The following SORCS1 variants were observed in gnomAD, a reference collection of about 807,000 sequenced individuals.
SORCS1 encodes the protein VPS10 domain-containing receptor SorCS1.
SORCS1 carries 60 observed loss-of-function variants against 146.1 expected under a neutral mutation model. That is an observed-to-expected ratio of 0.41 (90% CI 0.33 to 0.51). SORCS1 has a LOEUF of 0.51. Among genes scored for constraint, SORCS1 ranks in the 20% least tolerant of loss-of-function variants. SORCS1 has a pLI of 0.21. For synonymous variants in SORCS1, 637 were observed against 584.0 expected, an observed-to-expected ratio of 1.09 and a Z score of -1.31; for missense variants, 1,352 against 1,487.6, an observed-to-expected ratio of 0.91 and a Z score of 1.50.
chr10:107,116,834 T>C (rs541067444), intron 1 of SORCS1, among the ~76,000 whole-genome samples: 1 of 152,338 alleles, frequency 6.6e-6, no homozygotes, highest in East Asian at 1.9e-4. Context: ...ATGATTTTTA[T>C]TTGCCAATTA....
chr10:106,757,094 A>G (rs1055496159), intron 5 of SORCS1, among the ~76,000 whole-genome samples: 1 of 152,210 alleles, frequency 6.6e-6, no homozygotes, highest in South Asian at 2.1e-4. Context: ...GTGCTTTGGT[A>G]ACATTATCAG....
upstream of SORCS1, among the ~76,000 whole-genome samples, chr10:107,167,633 C>G (rs907968108): frequency 2.0e-5 from 3 of 152,080 alleles, no homozygotes; most frequent in Non-Finnish European, 4.4e-5. Flanking sequence ...CACAAGCACA[C>G]TCAGGTGATC....
At chr10:106,619,425 G>A (rs1427657231) in intron 20 of SORCS1, among the ~76,000 whole-genome samples, 2 of 152,194 alleles carry the variant, frequency 1.3e-5, no homozygotes, top group South Asian at 2.1e-4. Context: ...CAGCTCCAGA[G>A]CAGAAAAATG....
chr10:107,074,730 T>G (rs1306504912), intron 1 of SORCS1, among the ~76,000 whole-genome samples: 1 of 152,176 alleles, frequency 6.6e-6, no homozygotes. Flanking sequence ...TTCTCAATTT[T>G]GGCCATTCTC....
intron 2 of SORCS1, among the ~76,000 whole-genome samples, chr10:106,916,451 A>T (rs1310986147): frequency 1.3e-5 from 2 of 148,702 alleles, no homozygotes; most frequent in Non-Finnish European, 3.0e-5. Flanking sequence ...TGTATATATG[A>T]TTATATATTA....
chr10:107,008,671 T>C (rs759764132), intron 1 of SORCS1, among the ~76,000 whole-genome samples: 2 of 152,172 alleles, frequency 1.3e-5, no homozygotes, highest in Non-Finnish European at 2.9e-5. Context: ...CTGGGTTATA[T>C]GAGACCATCA....
intron 2 of SORCS1, among the ~76,000 whole-genome samples, chr10:106,906,448 A>G (rs1241986033): frequency 6.6e-6 from 1 of 152,112 alleles, no homozygotes; most frequent in African/African-American, 2.4e-5. Context: ...ACAGTTCCAC[A>G]TGACTGAGGA....
intron 6 of SORCS1, among the ~76,000 whole-genome samples, chr10:106,724,577 A>G (rs1856017882): frequency 6.6e-6 from 1 of 152,058 alleles, no homozygotes; most frequent in Admixed American, 6.5e-5. Flanking sequence ...TTTCTCATGT[A>G]AAAAACTAAA....
chr10:106,829,150 C>A (rs1003459153), intron 3 of SORCS1, among the ~76,000 whole-genome samples: 3 of 152,192 alleles, frequency 2.0e-5, no homozygotes, highest in Non-Finnish European at 2.9e-5. Flanking sequence ...TTCCTATCTG[C>A]TGCAGGACAA....
chr10:106,826,173 G>A (rs545273885), intron 3 of SORCS1, among the ~76,000 whole-genome samples: 35 of 152,324 alleles, frequency 2.3e-4, no homozygotes, highest in Non-Finnish European at 3.7e-4. Context: ...GCTCTTGTCC[G>A]CACAAATGGC....
intron 1 of SORCS1, among the ~76,000 whole-genome samples, chr10:107,110,856 T>G (rs1965648156): frequency 6.6e-6 from 1 of 152,040 alleles, no homozygotes; most frequent in South Asian, 2.1e-4. Flanking sequence ...TCTGCATACC[T>G]TCAAGTGGTT....
chr10:106,659,694 C>A (rs969508876), intron 17 of SORCS1, among the ~76,000 whole-genome samples: 2 of 152,116 alleles, frequency 1.3e-5, no homozygotes, highest in African/African-American at 4.8e-5. Flanking sequence ...TGGACTAAGT[C>A]TGGTGTTCTC....
intron 1 of SORCS1, among the ~76,000 whole-genome samples, chr10:106,956,965 C>T (rs1954974194): frequency 6.6e-6 from 1 of 152,154 alleles, no homozygotes; most frequent in South Asian, 2.1e-4. Context: ...GCCCTAGTAG[C>T]TGGGTGCATT....
At chr10:106,790,825 T>C (rs1946283062) in intron 3 of SORCS1, among the ~76,000 whole-genome samples, 1 of 152,244 alleles carries the variant, frequency 6.6e-6, no homozygotes. Context: ...GTGTCAAAGA[T>C]ACAATAATTT....
At chr10:106,712,723 G>A (rs1169476350) in intron 6 of SORCS1, among the ~76,000 whole-genome samples, 1 of 152,182 alleles carries the variant, frequency 6.6e-6, no homozygotes, top group African/African-American at 2.4e-5. Context: ...CTTTCATAAT[G>A]ATGAGAAATT....
chr10:106,684,058 G>A (rs911482375), intron 10 of SORCS1, among the ~76,000 whole-genome samples: 7 of 152,248 alleles, frequency 4.6e-5, no homozygotes, highest in South Asian at 2.1e-4. Flanking sequence ...CAGATAGGCC[G>A]GGCACGGTGG....
At chr10:106,607,025 C>G (rs1162185350) in intron 23 of SORCS1, 141 bp downstream of exon 23, 2 of 1,122,492 alleles carry the variant, frequency 1.8e-6, no homozygotes, top group African/African-American at 1.6e-5. Flanking sequence ...ACTAATACAC[C>G]TACCATGAAT....
chr10:106,659,240 C>G (rs1025233132), intron 17 of SORCS1, among the ~76,000 whole-genome samples: 2 of 152,196 alleles, frequency 1.3e-5, no homozygotes, highest in East Asian at 3.9e-4. Context: ...AGGCATAAGA[C>G]AGAAGACCAG....
At chr10:107,128,525 A>C (rs776323728) in intron 1 of SORCS1, among the ~76,000 whole-genome samples, 4 of 152,172 alleles carry the variant, frequency 2.6e-5, no homozygotes, top group Non-Finnish European at 1.5e-5. Context: ...TCGTTTTCTC[A>C]TTTCTAAAAT....
Sources: gnomAD v4.1 joint callset for allele counts (sites outside exome capture counted in the v4.1 genomes callset) on GRCh38, gnomAD v4.1.1 for gene constraint, MANE v1.5 for transcripts, NCBI Gene and HGNC (gene_info 2026-07-23, HGNC 2026-07-21) for gene names.